Variants in FSTL5 observed in about 807,000 individuals in gnomAD.
FSTL5 encodes the protein follistatin-related protein 5.
FSTL5 carries 62 observed loss-of-function variants against 89.1 expected under a neutral mutation model. The ratio of observed to expected loss-of-function variants is 0.70; its 90% CI spans 0.57 to 0.86. FSTL5 has a LOEUF of 0.86. Ranked by LOEUF, FSTL5 falls within the 40% of genes least tolerant of loss-of-function variation. FSTL5 has a pLI of 0.00. For missense variants in FSTL5, 1,057 were observed against 1,001.6 expected (o/e 1.06, Z -0.75); for synonymous variants, 383 against 346.2 (o/e 1.11, Z -1.18).
intron 4 of FSTL5, among the ~76,000 whole-genome samples, chr4:161,803,427 CAT>C (rs571745612): frequency 1.8e-3 from 267 of 152,052 alleles, no homozygotes; most frequent in African/African-American, 6.1e-3. Context: ...TAAAAATACT[CAT>C]AGTGATAAGT....
chr4:161,760,322 T>G (rs368626477), intron 5 of FSTL5, among the ~76,000 whole-genome samples: 2 of 152,186 alleles, frequency 1.3e-5, no homozygotes, highest in African/African-American at 4.8e-5. Context: ...TGCATAGCTG[T>G]GACCATGGTT....
At chr4:162,128,424 C>G (rs1383983332) in intron 1 of FSTL5, among the ~76,000 whole-genome samples, 2 of 152,128 alleles carry the variant, frequency 1.3e-5, no homozygotes, top group South Asian at 2.1e-4. Flanking sequence ...AGAATGGGAA[C>G]AGTACCCTTA....
intron 4 of FSTL5, among the ~76,000 whole-genome samples, chr4:161,784,895 A>AACAAAAAC (rs373897304): frequency 2.1e-5 from 3 of 141,964 alleles, no homozygotes; most frequent in East Asian, 2.1e-4. Flanking sequence ...TCCGTCTCAA[A>AACAAAAAC]AAAAACAAAA....
At chr4:161,969,904 G>T (rs1735433504) in intron 3 of FSTL5, among the ~76,000 whole-genome samples, 1 of 152,090 alleles carries the variant, frequency 6.6e-6, no homozygotes, top group South Asian at 2.1e-4. Flanking sequence ...AAAATATGGT[G>T]TATGTTTGAA....
chr4:161,578,634 A>G (rs1733319321), intron 8 of FSTL5, among the ~76,000 whole-genome samples: 1 of 152,144 alleles, frequency 6.6e-6, no homozygotes, highest in African/African-American at 2.4e-5. Context: ...TCTCTAGCAG[A>G]ATAAAAATCC....
chr4:161,925,586 T>C (rs1456087357), intron 3 of FSTL5, among the ~76,000 whole-genome samples: 1 of 151,864 alleles, frequency 6.6e-6, no homozygotes, highest in African/African-American at 2.4e-5. Flanking sequence ...ATGAAGATAA[T>C]AATAATTACA....
chr4:162,022,177 T>C (rs568839630), intron 3 of FSTL5, among the ~76,000 whole-genome samples: 13 of 152,024 alleles, frequency 8.6e-5, no homozygotes, highest in African/African-American at 2.9e-4. Context: ...AAAGCCTAGA[T>C]TTCACCACTA....
At chr4:161,395,891 T>C (rs1578941215) in intron 15 of FSTL5, among the ~76,000 whole-genome samples, 2 of 152,088 alleles carry the variant, frequency 1.3e-5, no homozygotes, top group East Asian at 3.9e-4. Flanking sequence ...GTTGAACTAA[T>C]ACCTTAAATA....
At chr4:162,072,035 C>T (rs4691811) in intron 2 of FSTL5, among the ~76,000 whole-genome samples, 91,017 of 151,592 alleles carry the variant, frequency 0.6, 27,884 homozygotes, top group African/African-American at 0.72. Flanking sequence ...GTGTCATTGA[C>T]ATATAACGTC....
At chr4:161,996,251 C>T (rs565167185) in intron 3 of FSTL5, among the ~76,000 whole-genome samples, 22 of 152,212 alleles carry the variant, frequency 1.4e-4, no homozygotes, top group Non-Finnish European at 2.8e-4. Flanking sequence ...TATCTGACTC[C>T]AGTGGGTGGC....
At chr4:161,659,795 T>C (rs764702310) in intron 6 of FSTL5, among the ~76,000 whole-genome samples, 1 of 152,242 alleles carries the variant, frequency 6.6e-6, no homozygotes, top group African/African-American at 2.4e-5. Context: ...TTTTATTAAC[T>C]ATGGTTAATC....
At chr4:161,845,843 C>G (rs918070523) in intron 4 of FSTL5, among the ~76,000 whole-genome samples, 1 of 151,978 alleles carries the variant, frequency 6.6e-6, no homozygotes, top group African/African-American at 2.4e-5. Flanking sequence ...GTCAGGAGTT[C>G]GAGACCAGCC....
At chr4:161,703,927 T>G (rs557193091) in intron 6 of FSTL5, among the ~76,000 whole-genome samples, 2 of 152,272 alleles carry the variant, frequency 1.3e-5, no homozygotes, top group East Asian at 1.9e-4. Flanking sequence ...GAAAATAAAC[T>G]TTGTTTTATC....
At chr4:161,589,425 C>T (rs193256341) in intron 7 of FSTL5, among the ~76,000 whole-genome samples, 61 of 152,138 alleles carry the variant, frequency 4.0e-4, no homozygotes, top group Admixed American at 4.6e-4. Flanking sequence ...TCAGGTGATC[C>T]GGCCGCCTCA....
At chr4:162,038,508 C>G (rs1737825476) in intron 2 of FSTL5, among the ~76,000 whole-genome samples, 1 of 151,836 alleles carries the variant, frequency 6.6e-6, no homozygotes. Context: ...AATTGGGATA[C>G]ACAGTAGTTG....
Position 161,433,117 on chromosome 4 carries a change from T to C in FSTL5, c.1841+21887A>G, listed in dbSNP as rs1166597149. On this transcript the variant is annotated intron_variant, in intron 15 of 15. Coordinates refer to ENST00000306100, the MANE Select transcript of FSTL5 (RefSeq NM_020116.5). ...GTTACCAAAACCAGACAAAGACACA[T>C]TAAAAAAAAAAAAAACTATAGGTGA... 1.6e-4 allele frequency among the ~76,000 whole-genome samples: 10 copies of C among 62,526 alleles called. No individual in the cohort carries two copies. In the East Asian group the frequency reaches 4.8e-3, roughly 30 times the overall value. 41.0% of individuals were successfully genotyped at this position (62,526 alleles called of 152,430 possible). A position where few individuals can be genotyped will look rare whatever the true frequency, so the allele number is the denominator to read the frequency against.
Position 161,788,896 on chromosome 4 carries a change from T to G in FSTL5, c.410-12822A>C, listed in dbSNP as rs542866681. On this transcript the variant is annotated intron_variant, in intron 4 of 15. Transcript: ENST00000306100. ...CTGAGTGACAGTTCAAGACACTGTC[T>G]CTAAAAGAAACAAAAATAAAAACAA... Among the ~76,000 whole-genome samples the G allele has an allele frequency of 4.8e-4, 73 of 152,280 alleles. 2 individuals are homozygous for G. In the East Asian group the frequency reaches 0.014, roughly 28 times the overall value.
At chr4:161,985,219 T>C (rs967600425) in intron 3 of FSTL5, among the ~76,000 whole-genome samples, 1 of 152,088 alleles carries the variant, frequency 6.6e-6, no homozygotes, top group African/African-American at 2.4e-5. Context: ...TCAGGGTTGA[T>C]TTGGTTGTTT....
intron 2 of FSTL5, among the ~76,000 whole-genome samples, chr4:162,048,144 T>C (rs940460782): frequency 5.9e-5 from 9 of 151,974 alleles, no homozygotes; most frequent in South Asian, 2.1e-4. Flanking sequence ...CTGGACAACA[T>C]GGTGAAAACC....
Sources: gnomAD v4.1 joint callset for allele counts (sites outside exome capture counted in the v4.1 genomes callset) on GRCh38, gnomAD v4.1.1 for gene constraint, MANE v1.5 for transcripts, NCBI Gene and HGNC (gene_info 2026-07-23, HGNC 2026-07-21) for gene names.